Variants in STXBP4 observed in about 807,000 individuals in gnomAD.
STXBP4 encodes the protein syntaxin binding protein 4.
STXBP4 carries 55 observed loss-of-function variants against 76.1 expected under a neutral mutation model. That is an observed-to-expected ratio of 0.72 (90% CI 0.58 to 0.91). The LOEUF is 0.91. STXBP4 is among the 40% of genes least tolerant of loss of function. The pLI, the probability that STXBP4 is intolerant of heterozygous loss-of-function variation, is 0.00. For missense variants in STXBP4, 618 were observed against 636.9 expected, an observed-to-expected ratio of 0.97 and a Z score of 0.32; for synonymous variants, 201 against 220.2, an observed-to-expected ratio of 0.91 and a Z score of 0.77.
intron 10 of STXBP4, among the ~76,000 whole-genome samples, chr17:55,040,741 G>A (rs1181066814): frequency 2.0e-5 from 3 of 152,046 alleles, no homozygotes; most frequent in Non-Finnish European, 4.4e-5. Context: ...TGCAAAGTTC[G>A]GGAGATCCAA....
intron 8 of STXBP4, among the ~76,000 whole-genome samples, chr17:55,011,615 C>G (rs2078115052): frequency 6.9e-6 from 1 of 144,098 alleles, no homozygotes; most frequent in South Asian, 2.2e-4. Context: ...GAGTTTATAT[C>G]CCGATCATTG....
At chr17:55,157,292 C>T (rs983544716) in intron 17 of STXBP4, among the ~76,000 whole-genome samples, 1 of 152,160 alleles carries the variant, frequency 6.6e-6, no homozygotes, top group Admixed American at 6.5e-5. Flanking sequence ...TAGACATGTA[C>T]TTTGTACAGG....
At chr17:54,978,605 A>C (rs574075571) in intron 1 of STXBP4, among the ~76,000 whole-genome samples, 1 of 152,300 alleles carries the variant, frequency 6.6e-6, no homozygotes, top group South Asian at 2.1e-4. Context: ...GGGTAAAATG[A>C]CATTAAAGGA....
At chr17:55,007,672 TAAAGTA>T in intron 8 of STXBP4, 75 bp downstream of exon 8, 2 of 1,151,200 alleles carry the variant, frequency 1.7e-6, no homozygotes, top group Middle Eastern at 2.2e-4. Flanking sequence ...TTTGAGAGGA[TAAAGTA>T]CTGGAGTCAT....
intron 4 of STXBP4, among the ~76,000 whole-genome samples, chr17:54,994,453 C>G (rs1407638185): frequency 6.6e-6 from 1 of 152,226 alleles, no homozygotes; most frequent in African/African-American, 2.4e-5. Context: ...CTTCTAGCTA[C>G]ACAAAGTCAG....
chr17:55,062,137 C>T (rs367601756), intron 12 of STXBP4, among the ~76,000 whole-genome samples: 1 of 151,612 alleles, frequency 6.6e-6, no homozygotes, highest in East Asian at 1.9e-4. Context: ...ATGTGCAGAA[C>T]GTGCAGGTTC....
At chr17:55,057,952 C>A (rs918942735) in intron 12 of STXBP4, among the ~76,000 whole-genome samples, 2 of 152,152 alleles carry the variant, frequency 1.3e-5, no homozygotes, top group African/African-American at 4.8e-5. Context: ...TCCAGTCTAT[C>A]ATTGATGGGC....
chr17:55,192,318 A>G, the STXBP4 span, among the ~76,000 whole-genome samples: 1 of 152,106 alleles, frequency 6.6e-6, no homozygotes, highest in Admixed American at 6.6e-5. Context: ...ACCACAGCAG[A>G]CCTCTCAATG....
At chr17:55,049,822 GC>G (rs1451074342) in intron 12 of STXBP4, among the ~76,000 whole-genome samples, 2 of 151,880 alleles carry the variant, frequency 1.3e-5, no homozygotes, top group African/African-American at 4.8e-5. Context: ...AAGATAGAAA[GC>G]CTAAAAGGCC....
the STXBP4 span, among the ~76,000 whole-genome samples, chr17:55,194,910 G>A: frequency 5.9e-5 from 9 of 152,162 alleles, no homozygotes; most frequent in Admixed American, 4.6e-4. Flanking sequence ...GTAATGAGCT[G>A]ACACAGCCCA....
intron 7 of STXBP4, among the ~76,000 whole-genome samples, chr17:55,007,132 G>A (rs755604300): frequency 6.6e-6 from 1 of 152,066 alleles, no homozygotes; most frequent in South Asian, 2.1e-4. Flanking sequence ...GAGGTCAGGA[G>A]TTCAAGACCA....
chr17:55,099,850 C>T (rs143960370), intron 16 of STXBP4, among the ~76,000 whole-genome samples: 11 of 152,218 alleles, frequency 7.2e-5, no homozygotes, highest in African/African-American at 2.4e-4. Context: ...AAGTAGGTAC[C>T]ACGTACCATC....
In STXBP4 at chr17:55,169,236, T is replaced by G. The variant is rs2080393831; in HGVS notation, c.*9325T>G. 6.6e-6 allele frequency: 1 copy of G among 152,036 alleles called. No homozygotes were observed. The highest frequency in any genetic ancestry group is 2.1e-4 in the South Asian group (1 of 4,826). The allele number at this position is 152,036 out of a possible 1,614,324, so 9.4% of individuals were successfully genotyped here. ...AAAAAGTGTGATGTCAAGCAAAGCC[T>G]ATTCTGGAGATGACTTTGGTTCACT... On this transcript the variant is annotated 3_prime_UTR_variant, in exon 18 of 18. Transcript: ENST00000376352.
chr17:55,000,090 A>G (rs2077883154), intron 6 of STXBP4: 8 of 459,284 alleles, frequency 1.7e-5, no homozygotes, highest in Non-Finnish European at 1.7e-5. Flanking sequence ...GGTTCCACAA[A>G]GATATGCCTA....
intron 16 of STXBP4, among the ~76,000 whole-genome samples, chr17:55,091,769 T>C (rs912122961): frequency 2.0e-5 from 3 of 152,078 alleles, no homozygotes; most frequent in African/African-American, 7.2e-5. Context: ...ACGCACAGAA[T>C]TGTGACCAGA....
At chr17:54,990,312 T>C (rs1056066841) in intron 3 of STXBP4, among the ~76,000 whole-genome samples, 5 of 152,192 alleles carry the variant, frequency 3.3e-5, no homozygotes, top group African/African-American at 1.2e-4. Flanking sequence ...GAGGTGAGTC[T>C]AGGGCAAGTA....
chr17:55,120,291 T>C (rs1464132904), intron 16 of STXBP4, among the ~76,000 whole-genome samples: 1 of 152,220 alleles, frequency 6.6e-6, no homozygotes, highest in Admixed American at 6.5e-5. Flanking sequence ...AATAGTCAAA[T>C]TGTCAGTGAG....
At chr17:54,982,594 TTGTGTG>T (rs61223151) in intron 1 of STXBP4, among the ~76,000 whole-genome samples, 38,566 of 149,046 alleles carry the variant, frequency 0.26, 5,012 homozygotes, top group African/African-American at 0.3. Flanking sequence ...TGAGGGTGGT[TTGTGTG>T]TGTGTGTGTG....
At chr17:55,043,716 C>A in intron 11 of STXBP4, 3 of 1,378,278 alleles carry the variant, frequency 2.2e-6, no homozygotes, top group South Asian at 1.4e-5. Flanking sequence ...CAGGGCTATT[C>A]TTAAGGGACA....
Sources: allele counts gnomAD v4.1 joint callset (sites outside exome capture counted in the v4.1 genomes callset), GRCh38; gene constraint gnomAD v4.1.1; transcripts MANE v1.5; gene names NCBI Gene and HGNC (gene_info 2026-07-23, HGNC 2026-07-21).